Variants in FSIP1 observed in about 807,000 individuals in gnomAD.
FSIP1 encodes fibrous sheath interacting protein 1.
In FSIP1, 65 loss-of-function variants were observed where a neutral mutation model predicts 60.9. That is an observed-to-expected ratio of 1.07 (90% CI 0.87 to 1.31). The LOEUF (loss-of-function observed/expected upper bound fraction) is 1.31, where lower values mean the gene tolerates loss of function less well. Among genes scored for constraint, FSIP1 ranks in the 40% most tolerant of loss-of-function variants. The pLI, the probability that FSIP1 is intolerant of heterozygous loss-of-function variation, is 0.00. For synonymous variants in FSIP1, 209 were observed against 221.2 expected (o/e 0.94, Z 0.49); for missense variants, 675 against 665.5 (o/e 1.01, Z -0.16).
chr15:39,754,211 T>C (rs549610073), intron 5 of FSIP1, among the ~76,000 whole-genome samples: 1 of 152,178 alleles, frequency 6.6e-6, no homozygotes, highest in South Asian at 2.1e-4. Context: ...AACTGAGGTC[T>C]GCAAACAACC....
In FSIP1 at chr15:39,681,877, G is replaced by A. The variant is rs570115151; in HGVS notation, c.1188+31567C>T. ...TAATAATAAGTGAATGGTTCAGAAGGAAGCACAACTGATTTTGGCACCAGG... is the reference window on the plus strand; with the variant it reads ...TAATAATAAGTGAATGGTTCAGAAGAAAGCACAACTGATTTTGGCACCAGG... On this transcript the variant is annotated intron_variant, in intron 10 of 11. Transcript: ENST00000350221. Among the ~76,000 whole-genome samples, 37 of 152,254 alleles carry A rather than the reference G, an allele frequency of 2.4e-4. No homozygotes were observed. In the South Asian group the frequency reaches 7.3e-3, roughly 30 times the overall value.
At chr15:39,610,109 A>G (rs368593157) in intron 11 of FSIP1, among the ~76,000 whole-genome samples, 84 of 152,338 alleles carry the variant, frequency 5.5e-4, no homozygotes, top group African/African-American at 1.9e-3. Context: ...TAAAGCCCCA[A>G]TAATGGACCC....
intron 11 of FSIP1, 64 bp downstream of exon 11, chr15:39,617,671 A>C: frequency 1.9e-5 from 26 of 1,391,614 alleles, no homozygotes; most frequent in African/African-American, 4.3e-5. Context: ...TTTAAACCAT[A>C]ATACCTTTAT....
intron 10 of FSIP1, among the ~76,000 whole-genome samples, chr15:39,638,856 T>G (rs935612871): frequency 5.3e-5 from 8 of 150,426 alleles, no homozygotes; most frequent in African/African-American, 1.2e-4. Flanking sequence ...GTGTGTGTGG[T>G]GGGGGGTGGT....
chr15:39,767,309 C>T (rs1300178269), intron 3 of FSIP1, among the ~76,000 whole-genome samples: 4 of 152,152 alleles, frequency 2.6e-5, no homozygotes, highest in Non-Finnish European at 5.9e-5. Flanking sequence ...TCTCAGGCTC[C>T]GTGAACATAG....
At chr15:39,641,592 T>G (rs913404644) in intron 10 of FSIP1, among the ~76,000 whole-genome samples, 1 of 152,204 alleles carries the variant, frequency 6.6e-6, no homozygotes, top group East Asian at 1.9e-4. Context: ...AAAACCGACT[T>G]GATGTTCTGA....
intron 1 of FSIP1, among the ~76,000 whole-genome samples, chr15:39,781,998 G>A (rs1231138863): frequency 1.3e-5 from 2 of 152,146 alleles, no homozygotes; most frequent in African/African-American, 4.8e-5. Flanking sequence ...ATATATTTGT[G>A]CCAATCTTTC....
intron 5 of FSIP1, among the ~76,000 whole-genome samples, chr15:39,752,231 T>A (rs1170489209): frequency 6.6e-6 from 1 of 152,052 alleles, no homozygotes; most frequent in Non-Finnish European, 1.5e-5. Flanking sequence ...AGAATTTTTA[T>A]ATATTTAAAT....
rs1893255622 is a variant in FSIP1 at position 39,660,500 on chromosome 15, C to T, written c.1189-42255G>A. Among the ~76,000 whole-genome samples, 4 of 152,134 alleles carry T rather than the reference C, an allele frequency of 2.6e-5. No individual in the cohort carries two copies. The South Asian group carries it at 8.3e-4, about 32-fold the overall frequency. On this transcript the variant is annotated intron_variant, in intron 10 of 11. Transcript: ENST00000350221. The stretch of plus-strand genomic sequence containing the variant: ...ATCAATTTCTTGATTATAAATCTTA[C>T]AATTAGATTTCTTCAATCAGCAAGT...
At chr15:39,720,348 C>T (rs546965669) in intron 9 of FSIP1, among the ~76,000 whole-genome samples, 1 of 152,250 alleles carries the variant, frequency 6.6e-6, no homozygotes, top group South Asian at 2.1e-4. Flanking sequence ...TTTTCTCAAG[C>T]TTATCAAATT....
At chr15:39,636,460 G>C (rs1022045687) in intron 10 of FSIP1, among the ~76,000 whole-genome samples, 1 of 152,106 alleles carries the variant, frequency 6.6e-6, no homozygotes, top group Non-Finnish European at 1.5e-5. Context: ...TACACATCTG[G>C]GAGTAGGGCA....
intron 10 of FSIP1, among the ~76,000 whole-genome samples, chr15:39,626,946 T>C (rs1305354342): frequency 6.6e-6 from 1 of 151,764 alleles, no homozygotes; most frequent in African/African-American, 2.4e-5. Flanking sequence ...GTGAGAAGCA[T>C]CTCACTAGTG....
rs182334837 is a variant in FSIP1, at chr15:39,653,210, G to T, written c.1189-34965C>A. Among the ~76,000 whole-genome samples the T allele has an allele frequency of 2.4e-3, 360 of 149,990 alleles. 4 individuals are homozygous for T. The highest frequency in any genetic ancestry group is 8.5e-3 in the African/African-American group (348 of 41,096). Reference sequence around the variant, plus strand: ...AAAAAAAACCCAAAAACGAAAAATGGTATGCCTGATTACTGATTAGGGCAC... The same window carrying T: ...AAAAAAAACCCAAAAACGAAAAATGTTATGCCTGATTACTGATTAGGGCAC... On this transcript the variant is annotated intron_variant, in intron 10 of 11. Transcript: ENST00000350221.
intron 10 of FSIP1, among the ~76,000 whole-genome samples, chr15:39,655,684 G>C (rs1374548189): frequency 6.6e-6 from 1 of 152,170 alleles, no homozygotes; most frequent in Non-Finnish European, 1.5e-5. Flanking sequence ...CTGGTATGCA[G>C]CTACTTTTTA....
At chr15:39,629,662 C>T (rs996598481) in intron 10 of FSIP1, among the ~76,000 whole-genome samples, 2 of 152,228 alleles carry the variant, frequency 1.3e-5, no homozygotes, top group Non-Finnish European at 1.5e-5. Context: ...TTCCTCACTA[C>T]TGTCCCTGAG....
intron 1 of FSIP1, among the ~76,000 whole-genome samples, chr15:39,776,757 C>T (rs1200239134): frequency 6.6e-6 from 1 of 152,090 alleles, no homozygotes; most frequent in East Asian, 1.9e-4. Context: ...ATGTTAGATA[C>T]TGAATATGGC....
intron 5 of FSIP1, among the ~76,000 whole-genome samples, chr15:39,750,187 C>G (rs1361671176): frequency 6.6e-6 from 1 of 151,504 alleles, no homozygotes; most frequent in Non-Finnish European, 1.5e-5. Flanking sequence ...TGGAAAGATA[C>G]TCCGTGCTCA....
At chr15:39,652,029 T>C (rs1248659212) in intron 10 of FSIP1, among the ~76,000 whole-genome samples, 3 of 152,246 alleles carry the variant, frequency 2.0e-5, no homozygotes, top group African/African-American at 7.2e-5. Context: ...ATGGAAGAGA[T>C]GTTTTTCTTC....
At chr15:39,721,460 T>C (rs1425403528) in intron 9 of FSIP1, among the ~76,000 whole-genome samples, 1 of 152,230 alleles carries the variant, frequency 6.6e-6, no homozygotes, top group Non-Finnish European at 1.5e-5. Context: ...CTGGTGGTGG[T>C]TCTTGTTTCA....
Sources: gnomAD v4.1 joint callset for allele counts (sites outside exome capture counted in the v4.1 genomes callset) on GRCh38, gnomAD v4.1.1 for gene constraint, MANE v1.5 for transcripts, NCBI Gene and HGNC (gene_info 2026-07-23, HGNC 2026-07-21) for gene names.